The following SCAMP2 variants were observed in gnomAD, a reference collection of about 807,000 sequenced individuals.
SCAMP2 encodes secretory carrier-associated membrane protein 2.
A neutral mutation model predicts 44.1 loss-of-function variants in SCAMP2; 25 were observed. The observed-to-expected ratio is 0.57, with a 90% CI of 0.41 to 0.79. The LOEUF is 0.79. SCAMP2 is among the 30% of genes least tolerant of loss of function. The probability of loss-of-function intolerance (pLI) is 0.00; values close to 1 mark genes in which losing one functional copy is unlikely to be tolerated. For missense variants in SCAMP2, 355 were observed against 411.0 expected, an observed-to-expected ratio of 0.86 and a Z score of 1.18; for synonymous variants, 156 against 166.0, an observed-to-expected ratio of 0.94 and a Z score of 0.46.
At chr15:74,858,119 TGA>T (rs2064478775) in intron 1 of SCAMP2, among the ~76,000 whole-genome samples, 1 of 152,102 alleles carries the variant, frequency 6.6e-6, no homozygotes, top group South Asian at 2.1e-4. Context: ...CAAGACAAGC[TGA>T]GCCCTGGCAA....
chr15:74,864,630 A>G (rs1200439226), intron 1 of SCAMP2, among the ~76,000 whole-genome samples: 1 of 152,170 alleles, frequency 6.6e-6, no homozygotes, highest in Non-Finnish European at 1.5e-5. Flanking sequence ...CACAACTGTC[A>G]ACATGGGTGA....
intron 1 of SCAMP2, among the ~76,000 whole-genome samples, chr15:74,862,263 C>CAAA (rs1206712618): frequency 0.012 from 186 of 15,460 alleles, 47 homozygotes; most frequent in African/African-American, 0.043. Flanking sequence ...ACTCTGTCTC[C>CAAA]AAAAAAAAAA....
intron 1 of SCAMP2, among the ~76,000 whole-genome samples, chr15:74,855,891 A>T (rs1021630657): frequency 1.3e-5 from 2 of 152,150 alleles, no homozygotes; most frequent in Admixed American, 1.3e-4. Flanking sequence ...AAGTCTTTTC[A>T]TAAAATCCAA....
rs559969962 is a variant in SCAMP2, at chr15:74,872,065, C to CA, written c.57+1133dup. On this transcript the variant is annotated intron_variant, in intron 1 of 8. Coordinates refer to ENST00000268099, the MANE Select transcript of SCAMP2 (RefSeq NM_005697.5). Reference sequence around the variant, plus strand: ...TCTCAAAAAACAAAACAAAACAAAACAAAAAAAAAGGAAAAGAAAGAAAGC... The same window carrying CA: ...TCTCAAAAAACAAAACAAAACAAAACAAAAAAAAAAGGAAAAGAAAGAAAGC... Among the ~76,000 whole-genome samples the CA allele has an allele frequency of 9.5e-4, 141 of 148,312 alleles. 1 individual carries two copies. Among genetic ancestry groups the CA allele is most frequent in the South Asian group, 5.8e-3 (27 of 4,656 alleles).
chr15:74,845,264 C>G (rs371228428), intron 8 of SCAMP2, 47 bp from the exon 9 acceptor site: 33 of 1,601,006 alleles, frequency 2.1e-5, no homozygotes, highest in African/African-American at 1.7e-4. Flanking sequence ...TTGGGCCCAC[C>G]AGGAAGCCAG....
At chr15:74,845,660 C>G (rs2064394729) in intron 7 of SCAMP2, 67 bp from the exon 8 acceptor site, 1 of 1,590,890 alleles carries the variant, frequency 6.3e-7, no homozygotes, top group South Asian at 1.1e-5. Context: ...GCATAAGGGG[C>G]TCTTCTCCAA....
At chr15:74,846,518 C>T (rs371790577) in intron 7 of SCAMP2, among the ~76,000 whole-genome samples, 235 of 151,698 alleles carry the variant, frequency 1.5e-3, no homozygotes, top group African/African-American at 5.5e-3. Flanking sequence ...AATCCCAACA[C>T]TTTGGGAGGC....
At chr15:74,852,441 G>C in intron 3 of SCAMP2, 1 of 356,106 alleles carries the variant, frequency 2.8e-6, no homozygotes, top group East Asian at 4.2e-5. Context: ...CCCTAAGCTT[G>C]AGTTGGGAAA....
intron 1 of SCAMP2, among the ~76,000 whole-genome samples, chr15:74,866,614 ACT>A (rs1211164480): frequency 1.3e-5 from 2 of 151,780 alleles, no homozygotes; most frequent in Non-Finnish European, 2.9e-5. Context: ...CGGGAGTGTG[ACT>A]CTGTCTCAAA....
At chr15:74,851,297 G>A (rs2064433737) in intron 5 of SCAMP2, 56 bp downstream of exon 5, 10 of 1,588,904 alleles carry the variant, frequency 6.3e-6, no homozygotes, top group East Asian at 4.5e-5. Context: ...CCAAGATGGG[G>A]CTCTCAAGTC....
Position 74,850,613 on chromosome 15 carries a change from C to T in SCAMP2, c.533G>A (p.Ser178Asn). 4 of 1,614,122 alleles carry T rather than the reference C, an allele frequency of 2.5e-6. No individual in the cohort carries two copies. The highest frequency in any genetic ancestry group is 3.4e-6 in the Non-Finnish European group (4 of 1,179,994). Residue 178 changes from serine to asparagine, a missense_variant, in exon 6 of 9, where the codon AGC becomes AAC. Coordinates refer to ENST00000268099, the MANE Select transcript of SCAMP2 (RefSeq NM_005697.5). ...GAGGCCAAAGTCCACTCCCTTGGAG[C>T]TGTTGCCCGAGAACCAGGCCAGGCA... ...LACLAWFSGN[S>N]SKGVDFGLSI... is the part of the protein sequence containing the mutation.
chr15:74,870,309 G>A (rs556338068), intron 1 of SCAMP2, among the ~76,000 whole-genome samples: 1 of 152,280 alleles, frequency 6.6e-6, no homozygotes, highest in South Asian at 2.1e-4. Flanking sequence ...TTAATACAGG[G>A]TAGAACTATC....
chr15:74,864,085 G>A (rs963159983), intron 1 of SCAMP2, among the ~76,000 whole-genome samples: 12 of 152,002 alleles, frequency 7.9e-5, no homozygotes, highest in South Asian at 2.1e-4. Flanking sequence ...TTTTTGAGAC[G>A]GAGTCTCACT....
intron 1 of SCAMP2, among the ~76,000 whole-genome samples, chr15:74,866,427 C>G (rs1041815809): frequency 2.6e-5 from 4 of 151,974 alleles, no homozygotes; most frequent in African/African-American, 9.7e-5. Flanking sequence ...ACTCTGTTTT[C>G]TGGCCGGGCG....
rs117037183 is a variant in SCAMP2, at chr15:74,853,371, C to T, written c.225+650G>A. 962 of 456,158 alleles carry T rather than the reference C, an allele frequency of 2.1e-3. 8 individuals carry two copies. The East Asian group carries it at 0.023, about 11-fold the overall frequency. The allele number at this position is 456,158 out of a possible 1,614,324, so 28.3% of individuals were successfully genotyped here. ...TGCTCATCTACATTAGGCCTACCTT[C>T]GGAAGCTTTCGCATGTAGCTGTCTC... is the stretch of plus-strand genomic sequence containing the variant. On this transcript the variant is annotated intron_variant, in intron 3 of 8. Transcript: ENST00000268099.
intron 2 of SCAMP2, 90 bp downstream of exon 2, chr15:74,854,491 G>C: frequency 9.1e-7 from 1 of 1,097,560 alleles, no homozygotes; most frequent in Admixed American, 2.0e-5. Flanking sequence ...TCTCAGAGCT[G>C]CTTCTGTCCT....
At chr15:74,870,549 A>G (rs544397598) in intron 1 of SCAMP2, among the ~76,000 whole-genome samples, 1 of 152,356 alleles carries the variant, frequency 6.6e-6, no homozygotes, top group African/African-American at 2.4e-5. Flanking sequence ...TTACCAGAAG[A>G]CATTGGCAGA....
chr15:74,867,077 G>A (rs1397360033), intron 1 of SCAMP2, among the ~76,000 whole-genome samples: 4 of 152,320 alleles, frequency 2.6e-5, no homozygotes, highest in African/African-American at 4.8e-5. Context: ...TTACAGGCGT[G>A]AGCCACTGCG....
At chr15:74,863,276 C>T (rs1019287202) in intron 1 of SCAMP2, among the ~76,000 whole-genome samples, 3 of 149,582 alleles carry the variant, frequency 2.0e-5, no homozygotes, top group Admixed American at 6.7e-5. Context: ...ACCTGGGAGG[C>T]GGGGAGATTG....
Sources: allele counts gnomAD v4.1 joint callset (sites outside exome capture counted in the v4.1 genomes callset), GRCh38; gene constraint gnomAD v4.1.1; transcripts MANE v1.5; gene names NCBI Gene and HGNC (gene_info 2026-07-23, HGNC 2026-07-21).